DCP1A: variants seen among roughly 807,000 people sequenced by gnomAD.
DCP1A encodes the protein decapping mRNA 1A.
In DCP1A, 20 loss-of-function variants were observed where a neutral mutation model predicts 58.0. The ratio of observed to expected loss-of-function variants is 0.34; its 90% CI spans 0.24 to 0.50. The LOEUF is 0.50. Among genes scored for constraint, DCP1A ranks in the 20% least tolerant of loss-of-function variants. The pLI, the probability that DCP1A is intolerant of heterozygous loss-of-function variation, is 0.98. For missense variants in DCP1A, 613 were observed against 712.2 expected, an observed-to-expected ratio of 0.86 and a Z score of 1.59; for synonymous variants, 285 against 275.1, an observed-to-expected ratio of 1.04 and a Z score of -0.36.
chr3:53,338,467 A>T (rs1186232740), intron 3 of DCP1A, among the ~76,000 whole-genome samples: 1 of 152,034 alleles, frequency 6.6e-6, no homozygotes, highest in Non-Finnish European at 1.5e-5. Context: ...GATTTAAGAG[A>T]ATCACCAAGC....
chr3:53,313,917 T>C (rs1707724676), intron 4 of DCP1A, among the ~76,000 whole-genome samples: 1 of 152,154 alleles, frequency 6.6e-6, no homozygotes, highest in South Asian at 2.1e-4. Flanking sequence ...ATTATTTTTG[T>C]AGAGATGGAG....
At chr3:53,291,848 A>G (rs1706887220) in intron 7 of DCP1A, among the ~76,000 whole-genome samples, 1 of 152,184 alleles carries the variant, frequency 6.6e-6, no homozygotes, top group South Asian at 2.1e-4. Context: ...CAAAACAAAC[A>G]TACAACCCCC....
At position 53,342,132 on chromosome 3, in the gene DCP1A, A is replaced by G; in HGVS notation, c.304+12T>C. The G allele has an allele frequency of 6.3e-7, 1 of 1,586,648 alleles. No homozygotes were observed. Among genetic ancestry groups the G allele is most frequent in the Non-Finnish European group, 8.6e-7 (1 of 1,165,192 alleles). On this transcript the variant is annotated intron_variant, in intron 3 of 9. Coordinates refer to ENST00000610213, the MANE Select transcript of DCP1A (RefSeq NM_018403.7). ...TTAAATGTAATAACTATAATAAAAC[A>G]GATATACTCACAGCTTGCATTTCTA...
chr3:53,329,404 T>C (rs1430539582), intron 3 of DCP1A: 11 of 398,476 alleles, frequency 2.8e-5, no homozygotes, highest in Non-Finnish European at 4.4e-5. Flanking sequence ...AAGTGATAAG[T>C]GAAGCAGAAA....
chr3:53,306,439 A>G (rs1186751587), intron 5 of DCP1A, among the ~76,000 whole-genome samples: 1 of 152,160 alleles, frequency 6.6e-6, no homozygotes. Flanking sequence ...GAAACATTAA[A>G]AAGTTGGGGC....
At chr3:53,295,459 CAT>C (rs1553686668) in intron 6 of DCP1A, among the ~76,000 whole-genome samples, 3 of 149,140 alleles carry the variant, frequency 2.0e-5, no homozygotes, top group African/African-American at 7.3e-5. Flanking sequence ...TCAATTTCTT[CAT>C]ATTTTTACTT....
intron 6 of DCP1A, among the ~76,000 whole-genome samples, chr3:53,295,995 C>T (rs572024767): frequency 3.3e-5 from 5 of 151,444 alleles, no homozygotes; most frequent in African/African-American, 4.9e-5. Flanking sequence ...CAGGTTCAAG[C>T]GATTCTTATG....
At chr3:53,340,284 A>T (rs2089183944) in intron 3 of DCP1A, among the ~76,000 whole-genome samples, 1 of 152,148 alleles carries the variant, frequency 6.6e-6, no homozygotes, top group Admixed American at 6.5e-5. Flanking sequence ...AAATAATTAC[A>T]TTGTTAACAT....
In DCP1A at chr3:53,330,376, T is replaced by G. The variant is rs536439532; in HGVS notation, c.305-10903A>C. Among the ~76,000 whole-genome samples, 24 of 152,018 alleles carry G rather than the reference T, an allele frequency of 1.6e-4. 1 individual carries two copies. The highest frequency in any genetic ancestry group is 5.5e-4 in the African/African-American group (23 of 41,448). On this transcript the variant is annotated intron_variant, in intron 3 of 9. Coordinates refer to ENST00000610213, the MANE Select transcript of DCP1A (RefSeq NM_018403.7). Reference sequence around the variant, plus strand: ...GCAAGACCCTATCACTACAAAAAATTTGCAGAGACCCTATCTCTATTTAAA... The same window carrying G: ...GCAAGACCCTATCACTACAAAAAATGTGCAGAGACCCTATCTCTATTTAAA...
intron 5 of DCP1A, among the ~76,000 whole-genome samples, chr3:53,306,931 CTTT>C: frequency 9.8e-6 from 1 of 101,586 alleles, no homozygotes; most frequent in East Asian, 2.7e-4. Flanking sequence ...CCAGGCTGTT[CTTT>C]TTTTTTTTTT....
intron 6 of DCP1A, among the ~76,000 whole-genome samples, chr3:53,298,741 C>T (rs1475609743): frequency 4.6e-5 from 7 of 152,204 alleles, no homozygotes; most frequent in African/African-American, 1.4e-4. Flanking sequence ...GTTTGAATAA[C>T]TGAGGTGGCT....
At chr3:53,330,583 T>C (rs2088974767) in intron 3 of DCP1A, among the ~76,000 whole-genome samples, 1 of 151,572 alleles carries the variant, frequency 6.6e-6, no homozygotes, top group Admixed American at 6.6e-5. Flanking sequence ...CATAGAAAGT[T>C]CTAACGCAGT....
chr3:53,326,523 A>G (rs922958), intron 3 of DCP1A, among the ~76,000 whole-genome samples: 107,748 of 152,078 alleles, frequency 0.71, 38,778 homozygotes, highest in Non-Finnish European at 0.77. Flanking sequence ...TGCACAGCAG[A>G]AGGTGAGTGG....
intron 6 of DCP1A, among the ~76,000 whole-genome samples, chr3:53,300,260 G>T (rs1707269315): frequency 1.3e-5 from 2 of 152,124 alleles, no homozygotes; most frequent in Admixed American, 1.3e-4. Context: ...GTCTACAGAC[G>T]CAGTGCTATT....
chr3:53,335,104 T>C (rs1446510623), intron 3 of DCP1A, among the ~76,000 whole-genome samples: 5 of 149,530 alleles, frequency 3.3e-5, no homozygotes, highest in African/African-American at 5.0e-5. Flanking sequence ...TGTGTGTGTG[T>C]GCACGCGCAT....
At chr3:53,290,946 G>T in intron 7 of DCP1A, 90 bp from the exon 8 acceptor site, 1 of 1,128,580 alleles carries the variant, frequency 8.9e-7, no homozygotes, top group Non-Finnish European at 1.3e-6. Flanking sequence ...CTTTCCCAGT[G>T]GAAAATCTAG....
intron 3 of DCP1A, among the ~76,000 whole-genome samples, chr3:53,320,456 C>T (rs1377858314): frequency 6.6e-6 from 1 of 152,136 alleles, no homozygotes; most frequent in African/African-American, 2.4e-5. Context: ...CCATGTGGGC[C>T]CATATGATGA....
rs369538805 is a variant in DCP1A, at chr3:53,292,736, G to A, written c.716C>T (p.Ser239Leu). ...TCCTGGCAACCTCTCCATTTCTTCT[G>A]AATCCAGACCCACAACTGCTGGTTG... ...KEQPAVVGLD[S>L]EEMERLPGDA... is the part of the protein sequence containing the mutation. Residue 239 changes from serine (S) to leucine (L), a missense_variant, in exon 7 of 10, where the codon TCA becomes TTA. Transcript: ENST00000610213. 1 of 1,613,766 alleles carries A rather than the reference G, an allele frequency of 6.2e-7. No individual in the cohort carries two copies. Among genetic ancestry groups the A allele is most frequent in the Non-Finnish European group, 8.5e-7 (1 of 1,179,906 alleles).
intron 3 of DCP1A, among the ~76,000 whole-genome samples, chr3:53,327,527 C>T (rs189800169): frequency 1.3e-5 from 2 of 152,342 alleles, no homozygotes; most frequent in East Asian, 1.9e-4. Context: ...CGGTGGCTCA[C>T]GCTTGTAATC....
Sources: allele counts gnomAD v4.1 joint callset (sites outside exome capture counted in the v4.1 genomes callset), GRCh38; gene constraint gnomAD v4.1.1; transcripts MANE v1.5; gene names NCBI Gene and HGNC (gene_info 2026-07-23, HGNC 2026-07-21).